Variants in NXPE2 observed in about 807,000 individuals in gnomAD.
NXPE2 encodes neurexophilin and PC-esterase domain family member 2.
A neutral mutation model predicts 34.4 loss-of-function variants in NXPE2; 34 were observed. The ratio of observed to expected loss-of-function variants is 0.99; its 90% confidence interval spans 0.75 to 1.31. The LOEUF (loss-of-function observed/expected upper bound fraction) is 1.31. NXPE2 is among the 40% of genes most tolerant of loss of function. The pLI is 0.00. For synonymous variants in NXPE2, 235 were observed against 231.3 expected (o/e 1.02, Z -0.15); for missense variants, 649 against 672.5 (o/e 0.97, Z 0.39).
chr11:114,524,244 A>G, the NXPE2 span, among the ~76,000 whole-genome samples: 13 of 146,272 alleles, frequency 8.9e-5, no homozygotes, highest in African/African-American at 3.4e-4. Flanking sequence ...AACTAGATAT[A>G]AGAAAGGATA....
In NXPE2 at chr11:114,698,171, A is replaced by G. The variant is rs370142144; in HGVS notation, c.259A>G (p.Ile87Val). The change falls in exon 3 of 6, where the codon ATT becomes GTT. Residue 87 changes from isoleucine to valine, a missense_variant. Ile to Val is a conservative substitution (Grantham distance 29, BLOSUM62 3). Coordinates refer to ENST00000389586, the MANE Select transcript of NXPE2 (RefSeq NM_182495.6). Reference protein sequence around the residue: ...PKETELRIKDIMEKLDQQIPP... With the variant: ...PKETELRIKDVMEKLDQQIPP... ...AGAGACTGAACTTAGAATAAAGGAC[A>G]TTATGGAGAAACTAGACCAGCAGAT... 2.0e-4 allele frequency: 317 copies of G among 1,614,098 alleles called. No homozygotes were observed. The highest frequency in any genetic ancestry group is 2.6e-4 in the Non-Finnish European group (304 of 1,180,030).
the NXPE2 span, among the ~76,000 whole-genome samples, chr11:114,624,936 C>A: frequency 6.7e-6 from 1 of 149,266 alleles, no homozygotes; most frequent in Non-Finnish European, 1.5e-5. Context: ...GTGGATAATA[C>A]GTGTTGCCTC....
the NXPE2 span, among the ~76,000 whole-genome samples, chr11:114,653,641 C>T: frequency 2.0e-5 from 3 of 151,380 alleles, no homozygotes; most frequent in Admixed American, 6.6e-5. Context: ...CATTCTCCTG[C>T]CTTAGCCTCC....
At chr11:114,579,452 C>T in the NXPE2 span, among the ~76,000 whole-genome samples, 1 of 152,122 alleles carries the variant, frequency 6.6e-6, no homozygotes, top group Non-Finnish European at 1.5e-5. Context: ...ATAACATGCC[C>T]AAAGTCATTG....
chr11:114,691,899 G>T (rs1291740554), intron 2 of NXPE2, among the ~76,000 whole-genome samples: 3 of 152,206 alleles, frequency 2.0e-5, no homozygotes, highest in Non-Finnish European at 2.9e-5. Flanking sequence ...AAGGGAGCAG[G>T]CTGGGACACC....
chr11:114,664,474 C>T, the NXPE2 span, among the ~76,000 whole-genome samples: 131,888 of 152,162 alleles, frequency 0.87, 57,799 homozygotes, highest in Non-Finnish European at 0.92. Flanking sequence ...AATTTTACTT[C>T]ACGTAAATTG....
At chr11:114,562,731 T>C in the NXPE2 span, among the ~76,000 whole-genome samples, 4 of 152,214 alleles carry the variant, frequency 2.6e-5, no homozygotes, top group African/African-American at 9.6e-5. Context: ...GTATACTTAA[T>C]GACTCATATG....
At chr11:114,728,658 A>G in the NXPE2 span, among the ~76,000 whole-genome samples, 1 of 152,096 alleles carries the variant, frequency 6.6e-6, no homozygotes, top group African/African-American at 2.4e-5. Flanking sequence ...AAAGGACAAG[A>G]TATTACATAC....
At chr11:114,548,629 A>G in the NXPE2 span, among the ~76,000 whole-genome samples, 1 of 152,070 alleles carries the variant, frequency 6.6e-6, no homozygotes, top group African/African-American at 2.4e-5. Context: ...ATTAATGCAT[A>G]TTATGTTAGA....
At chr11:114,656,835 G>A in the NXPE2 span, among the ~76,000 whole-genome samples, 2 of 152,140 alleles carry the variant, frequency 1.3e-5, no homozygotes, top group Admixed American at 6.6e-5. Flanking sequence ...ATTACTGCCT[G>A]TAATCCCAGC....
At chr11:114,600,156 A>C in the NXPE2 span, among the ~76,000 whole-genome samples, 1 of 152,190 alleles carries the variant, frequency 6.6e-6, no homozygotes, top group East Asian at 1.9e-4. Context: ...TATTTCCACC[A>C]ATATATTTAT....
At chr11:114,753,159 C>T in the NXPE2 span, among the ~76,000 whole-genome samples, 1 of 152,126 alleles carries the variant, frequency 6.6e-6, no homozygotes. Context: ...GTAGTCCCTG[C>T]ACTTTCAGAG....
the NXPE2 span, among the ~76,000 whole-genome samples, chr11:114,618,067 T>C: frequency 1.3e-5 from 2 of 151,962 alleles, no homozygotes; most frequent in African/African-American, 4.8e-5. Flanking sequence ...GGATAATAAG[T>C]GTTGCCTCAT....
chr11:114,788,051 G>T, the NXPE2 span, among the ~76,000 whole-genome samples: 1 of 152,300 alleles, frequency 6.6e-6, no homozygotes, highest in East Asian at 1.9e-4. Context: ...TAATAATAAA[G>T]ACCTTGGAAG....
At chr11:114,626,665 G>A in the NXPE2 span, among the ~76,000 whole-genome samples, 2 of 152,198 alleles carry the variant, frequency 1.3e-5, no homozygotes, top group Non-Finnish European at 2.9e-5. Flanking sequence ...GAACAAAGCT[G>A]GACGGAGAAT....
At chr11:114,608,569 A>G in the NXPE2 span, among the ~76,000 whole-genome samples, 3 of 151,352 alleles carry the variant, frequency 2.0e-5, no homozygotes, top group Non-Finnish European at 4.4e-5. Flanking sequence ...GTGTGTATCC[A>G]CTGATACCCA....
At chr11:114,538,002 G>T in the NXPE2 span, among the ~76,000 whole-genome samples, 1 of 152,180 alleles carries the variant, frequency 6.6e-6, no homozygotes, top group African/African-American at 2.4e-5. Flanking sequence ...CAAAGCTGGA[G>T]GCATCCCGCT....
upstream of NXPE2, among the ~76,000 whole-genome samples, chr11:114,675,595 A>G (rs759131013): frequency 3.9e-5 from 6 of 151,916 alleles, no homozygotes; most frequent in Non-Finnish European, 8.8e-5. Flanking sequence ...TTCATGAAGT[A>G]GGGAAAAGAT....
chr11:114,588,272 T>C, the NXPE2 span, among the ~76,000 whole-genome samples: 1 of 152,166 alleles, frequency 6.6e-6, no homozygotes, highest in Non-Finnish European at 1.5e-5. Flanking sequence ...CTCTTATCCT[T>C]ACAGGAAATG....
Sources: allele counts gnomAD v4.1 joint callset (sites outside exome capture counted in the v4.1 genomes callset), GRCh38; gene constraint gnomAD v4.1.1; transcripts MANE v1.5; gene names NCBI Gene and HGNC (gene_info 2026-07-23, HGNC 2026-07-21).